The following KBTBD11 variants were observed in gnomAD, a reference collection of about 807,000 sequenced individuals.
KBTBD11 encodes the protein kelch repeat and BTB domain containing 11, also known as kelch repeat and BTB domain-containing protein 11.
For missense variants in KBTBD11, 1,390 were observed against 1,001.8 expected, an observed-to-expected ratio of 1.39 and a Z score of -5.23; for synonymous variants, 747 against 499.0, an observed-to-expected ratio of 1.50 and a Z score of -6.63.
At chr8:1,979,058 A>ATG (rs1387626929) in intron 1 of KBTBD11, among the ~76,000 whole-genome samples, 1 of 151,998 alleles carries the variant, frequency 6.6e-6, no homozygotes, top group African/African-American at 2.4e-5. Flanking sequence ...AACTGGGTAC[A>ATG]TGTGTGTGCA....
At position 1,973,807 on chromosome 8, in the gene KBTBD11, C is replaced by A. The variant is rs568039612; in HGVS notation, c.-1037C>A. 8 of 983,284 alleles carry A rather than the reference C, an allele frequency of 8.1e-6. No homozygotes were observed. Among genetic ancestry groups the A allele is most frequent in the Non-Finnish European group, 9.6e-6 (8 of 829,206 alleles). The allele number at this position is 983,284 out of a possible 1,614,324, so 60.9% of individuals were successfully genotyped here. A position where few individuals can be genotyped will look rare whatever the true frequency, so the allele number is the denominator to read the frequency against. On this transcript the variant is annotated 5_prime_UTR_variant, in exon 1 of 2. Transcript: ENST00000320248. Reference sequence around the variant, plus strand: ...CTGCGGGTCGGAGGAGCAGCTCCCGCTCGCAGGTGCTCGGAGAGGCCGGGC... The same window carrying A: ...CTGCGGGTCGGAGGAGCAGCTCCCGATCGCAGGTGCTCGGAGAGGCCGGGC...
intron 1 of KBTBD11, among the ~76,000 whole-genome samples, chr8:1,977,280 G>T (rs1476914849): frequency 1.3e-5 from 2 of 152,164 alleles, no homozygotes; most frequent in Non-Finnish European, 2.9e-5. Flanking sequence ...TAAATAGGAA[G>T]ATGCACATAG....
intron 1 of KBTBD11, among the ~76,000 whole-genome samples, chr8:1,993,360 TCCATCC>T (rs1816989992): frequency 1.7e-3 from 164 of 93,912 alleles, no homozygotes; most frequent in Middle Eastern, 0.013. Flanking sequence ...CATCCATCGG[TCCATCC>T]GTCCGTCCGT....
Position 2,002,628 on chromosome 8 carries a change from A to T in KBTBD11, c.1436A>T (p.Glu479Val). Reference sequence around the variant, plus strand: ...CTCAAGTATGACCCGCGGCGCGACGAGTGGCAGGAGTGCCCGTGCAGCAGC... The same window carrying T: ...CTCAAGTATGACCCGCGGCGCGACGTGTGGCAGGAGTGCCCGTGCAGCAGC... ...RLLKYDPRRD[E>V]WQECPCSSSR... Residue 479 changes from glutamate (E) to valine (V), a missense_variant, in exon 2 of 2, where the codon GAG becomes GTG. Coordinates refer to ENST00000320248, the MANE Select transcript of KBTBD11 (RefSeq NM_014867.3). The surrounding 1 kb of genome is among the most constrained non-coding windows in gnomAD (Gnocchi z 4.1). 6.3e-7 allele frequency: 1 copy of T among 1,580,868 alleles called. No individual in the cohort carries two copies. The highest frequency in any genetic ancestry group is 8.5e-7 in the Non-Finnish European group (1 of 1,172,498).
rs1398053868 is a variant in KBTBD11, at chr8:2,000,952, C to G, written c.-241C>G. 7.0e-6 allele frequency: 3 copies of G among 425,538 alleles called. No individual in the cohort carries two copies. The Admixed American group carries it at 1.3e-4, about 19-fold the overall frequency. 26.4% of individuals were successfully genotyped at this position (425,538 alleles called of 1,614,324 possible). A position where few individuals can be genotyped will look rare whatever the true frequency, so the allele number is the denominator to read the frequency against. On this transcript the variant is annotated 5_prime_UTR_variant, in exon 2 of 2. An upstream open reading frame in the 5' UTR gains an earlier in-frame stop. Coordinates refer to ENST00000320248, the MANE Select transcript of KBTBD11 (RefSeq NM_014867.3). ...TTAAAGTGGCTGGGGTTCAGAAGTT[C>G]AGCAAGTCGGACACACCCCTCCTCG...
chr8:1,990,685 C>T (rs1227991238), intron 1 of KBTBD11, among the ~76,000 whole-genome samples: 8 of 69,652 alleles, frequency 1.1e-4, no homozygotes, highest in African/African-American at 2.7e-4. Context: ...CGGGCCTTGG[C>T]GCCCTGTCCG....
intron 1 of KBTBD11, among the ~76,000 whole-genome samples, chr8:1,982,574 C>G (rs1816574676): frequency 6.6e-6 from 1 of 152,076 alleles, no homozygotes; most frequent in Non-Finnish European, 1.5e-5. Context: ...ATACTCCACG[C>G]AAATTGAAAG....
At chr8:1,977,887 C>T (rs1036857965) in intron 1 of KBTBD11, among the ~76,000 whole-genome samples, 1 of 152,180 alleles carries the variant, frequency 6.6e-6, no homozygotes, top group Non-Finnish European at 1.5e-5. Context: ...TCATAGCTTC[C>T]CATTCCTGCA....
chr8:1,986,471 A>G (rs1045673495), intron 1 of KBTBD11, among the ~76,000 whole-genome samples: 5 of 152,254 alleles, frequency 3.3e-5, no homozygotes, highest in African/African-American at 1.2e-4. Flanking sequence ...CAACTCTGCC[A>G]TAACTTGTTT....
In KBTBD11 at chr8:2,001,687, C is replaced by CCGCG. The variant is rs751099278; in HGVS notation, c.504_507dup (p.Ser170ArgfsTer283). 1.0e-5 allele frequency: 15 copies of CCGCG among 1,440,924 alleles called. No homozygotes were observed. Among genetic ancestry groups the CCGCG allele is most frequent in the Non-Finnish European group, 1.1e-5 (12 of 1,102,296 alleles). 89.3% of individuals were successfully genotyped at this position (1,440,924 alleles called of 1,614,324 possible). A position where few individuals can be genotyped will look rare whatever the true frequency, so the allele number is the denominator to read the frequency against. ...TGCTGGCGGCGCGCAGCGACTACTT[C>CCGCG]CGCGCGCGCGCGTCGCGGGACGTGC... On this transcript the variant is annotated frameshift_variant, in exon 2 of 2. Coordinates refer to ENST00000320248, the MANE Select transcript of KBTBD11 (RefSeq NM_014867.3). LOFTEE classifies it low-confidence loss of function (END_TRUNC).
chr8:1,993,395 A>C (rs59623983), intron 1 of KBTBD11, among the ~76,000 whole-genome samples: 1 of 97,594 alleles, frequency 1.0e-5, no homozygotes, highest in African/African-American at 3.0e-5. Context: ...CCGTCCGTCC[A>C]TCCATCCATC....
chr8:1,990,385 T>G (rs1196571185), intron 1 of KBTBD11, among the ~76,000 whole-genome samples: 1 of 140,722 alleles, frequency 7.1e-6, no homozygotes, highest in Non-Finnish European at 1.5e-5. Flanking sequence ...TGCCGGGCCT[T>G]GGCGCCCTGT....
chr8:1,982,123 G>C (rs1233362083), intron 1 of KBTBD11, among the ~76,000 whole-genome samples: 1 of 152,170 alleles, frequency 6.6e-6, no homozygotes, highest in African/African-American at 2.4e-5. Context: ...AAAATGGGTG[G>C]GGGGCAGGAG....
At chr8:1,979,162 G>T (rs756755179) in intron 1 of KBTBD11, among the ~76,000 whole-genome samples, 1 of 152,214 alleles carries the variant, frequency 6.6e-6, no homozygotes, top group Non-Finnish European at 1.5e-5. Context: ...TCTGAGATCT[G>T]CAGGGCAGGC....
intron 1 of KBTBD11, among the ~76,000 whole-genome samples, chr8:1,988,308 C>G (rs1380057789): frequency 1.3e-5 from 2 of 152,236 alleles, no homozygotes; most frequent in Non-Finnish European, 2.9e-5. Context: ...AATCGCCAAA[C>G]TGTCTTCCAC....
chr8:1,973,731 C>T lies in KBTBD11; in HGVS notation c.-1113C>T. On this transcript the variant is annotated 5_prime_UTR_variant, in exon 1 of 2. Transcript: ENST00000320248. ...AGCCGGAGCGCTGGCTCCGCGCGGC[C>T]TGGAGAGGCGGAGAGGCCTGTCCAC... 1.0e-6 allele frequency: 1 copy of T among 983,858 alleles called. No homozygotes were observed. The highest frequency in any genetic ancestry group is 1.2e-6 in the Non-Finnish European group (1 of 829,366). 60.9% of individuals were successfully genotyped at this position (983,858 alleles called of 1,614,324 possible).
chr8:1,993,383 G>A lies in KBTBD11; in HGVS notation c.-908-6902G>A, dbSNP rs145135875. ...GGTCCATCCGTCCGTCCGTCCGTCC[G>A]TCCGTCCGTCCATCCATCCATCCAT... On this transcript the variant is annotated intron_variant, in intron 1 of 1. Transcript: ENST00000320248. 1.7e-3 allele frequency among the ~76,000 whole-genome samples: 192 copies of A among 114,888 alleles called. 2 individuals are homozygous for A. The highest frequency in any genetic ancestry group is 6.2e-3 in the African/African-American group (179 of 28,656). The allele number at this position is 114,888 out of a possible 152,430, so 75.4% of individuals were successfully genotyped here.
In KBTBD11 at chr8:2,003,291, A is replaced by C. The variant is rs770390626; in HGVS notation, c.*227A>C. 8.1e-5 allele frequency: 45 copies of C among 557,814 alleles called. No individual in the cohort carries two copies. Among genetic ancestry groups the C allele is most frequent in the Non-Finnish European group, 1.1e-4 (42 of 367,416 alleles). The allele number at this position is 557,814 out of a possible 1,614,324, so 34.6% of individuals were successfully genotyped here. A position where few individuals can be genotyped will look rare whatever the true frequency, so the allele number is the denominator to read the frequency against. On this transcript the variant is annotated 3_prime_UTR_variant, in exon 2 of 2. Coordinates refer to ENST00000320248, the MANE Select transcript of KBTBD11 (RefSeq NM_014867.3). The stretch of plus-strand genomic sequence containing the variant: ...GCCTTGAGACCCAGGAGGTGTGCGG[A>C]TGGGTCCCTTGACAGACAGGACACA...
intron 1 of KBTBD11, among the ~76,000 whole-genome samples, chr8:1,993,376 TCC>T: frequency 7.6e-6 from 1 of 131,536 alleles, no homozygotes; most frequent in African/African-American, 2.8e-5. Flanking sequence ...CGTCCGTCCG[TCC>T]GTCCGTCCGT....
Sources: gnomAD v4.1 joint callset for allele counts (sites outside exome capture counted in the v4.1 genomes callset) on GRCh38, gnomAD v4.1.1 for gene constraint, Gnocchi (gnomAD v3.1) non-coding constraint, MANE v1.5 for transcripts, NCBI Gene and HGNC (gene_info 2026-07-23, HGNC 2026-07-21) for gene names.